Variants in UGT1A8 observed in about 807,000 individuals in gnomAD.
UGT1A8 encodes UDP glucuronosyltransferase family 1 member A8.
UGT1A8 carries 39 observed loss-of-function variants against 45.3 expected under a neutral mutation model. That is an observed-to-expected ratio of 0.86 (90% CI 0.67 to 1.12). The LOEUF (loss-of-function observed/expected upper bound fraction) is 1.12. Ranked by LOEUF, UGT1A8 falls within the 50% of genes most tolerant of loss-of-function variation. The pLI is 0.00. For synonymous variants in UGT1A8, 275 were observed against 249.2 expected, an observed-to-expected ratio of 1.10 and a Z score of -0.97; for missense variants, 719 against 664.9, an observed-to-expected ratio of 1.08 and a Z score of -0.90.
intron 1 of UGT1A8, among the ~76,000 whole-genome samples, chr2:233,643,503 G>A (rs2073515043): frequency 6.6e-6 from 1 of 152,076 alleles, no homozygotes; most frequent in South Asian, 2.1e-4. Context: ...GTCAAGTCCT[G>A]GAATCAGGGA....
intron 1 of UGT1A8, chr2:233,719,082 G>C: frequency 6.2e-7 from 1 of 1,614,280 alleles, no homozygotes; most frequent in Non-Finnish European, 8.5e-7. Flanking sequence ...GACCCAGAAG[G>C]AATTTGATCG....
At chr2:233,754,930 G>C (rs1387383656) in intron 1 of UGT1A8, 3 of 1,344,668 alleles carry the variant, frequency 2.2e-6, no homozygotes, top group Non-Finnish European at 2.0e-6. Context: ...TTTCCCAAGA[G>C]GTCAAAGGAG....
chr2:233,708,372 C>T (rs959388871), intron 1 of UGT1A8: 5 of 152,104 alleles, frequency 3.3e-5, no homozygotes, highest in African/African-American at 9.7e-5. Context: ...TTCATTTAAA[C>T]GTCTTTTGTG....
chr2:233,625,773 A>G (rs915618322), intron 1 of UGT1A8, among the ~76,000 whole-genome samples: 4 of 151,790 alleles, frequency 2.6e-5, no homozygotes, highest in African/African-American at 7.3e-5. Flanking sequence ...GCAACAATAG[A>G]CACTATGGAC....
At chr2:233,681,908 C>G in intron 1 of UGT1A8, 1 of 1,598,330 alleles carries the variant, frequency 6.3e-7, no homozygotes, top group Middle Eastern at 1.7e-4. Flanking sequence ...CTTAGAATCC[C>G]AGCTGCTGGC....
rs190570057 is a variant in UGT1A8, at chr2:233,713,150, G to A, written c.856-53884G>A. On this transcript the variant is annotated intron_variant, in intron 1 of 4. Coordinates refer to ENST00000373450, the MANE Select transcript of UGT1A8 (RefSeq NM_019076.5). Reference sequence around the variant, plus strand: ...GGGAGGCCTTGCGGGACCTCCATGCGAGAGGCCACCAGGTGGTGGTCCTCA... The same window carrying A: ...GGGAGGCCTTGCGGGACCTCCATGCAAGAGGCCACCAGGTGGTGGTCCTCA... The A allele has an allele frequency of 5.6e-6, 9 of 1,614,242 alleles. No individual in the cohort carries two copies. In the East Asian group the frequency reaches 8.9e-5, roughly 16 times the overall value.
chr2:233,733,827 G>A (rs1305233298), intron 1 of UGT1A8, among the ~76,000 whole-genome samples: 1 of 152,118 alleles, frequency 6.6e-6, no homozygotes, highest in African/African-American at 2.4e-5. Flanking sequence ...CATAAAATGA[G>A]TTAGGGAGGA....
chr2:233,716,843 C>A (rs1303779141), intron 1 of UGT1A8, among the ~76,000 whole-genome samples: 1 of 152,176 alleles, frequency 6.6e-6, no homozygotes, highest in African/African-American at 2.4e-5. Flanking sequence ...ATGGCTTCAG[C>A]TACCACATAT....
chr2:233,727,367 AG>A (rs1325581943), intron 1 of UGT1A8, among the ~76,000 whole-genome samples: 7 of 152,052 alleles, frequency 4.6e-5, no homozygotes, highest in Non-Finnish European at 1.0e-4. Flanking sequence ...TAGGGCCCCT[AG>A]GTCTCTGGAG....
chr2:233,620,070 A>T (rs535835122), intron 1 of UGT1A8, among the ~76,000 whole-genome samples: 1 of 152,216 alleles, frequency 6.6e-6, no homozygotes, highest in East Asian at 1.9e-4. Flanking sequence ...ATTTTTGTCT[A>T]TTGTTCTGGC....
At chr2:233,699,264 G>A (rs559256559) in intron 1 of UGT1A8, among the ~76,000 whole-genome samples, 7 of 152,114 alleles carry the variant, frequency 4.6e-5, no homozygotes, top group Non-Finnish European at 7.4e-5. Flanking sequence ...CTTCCTATAG[G>A]GGCTTGAATC....
At chr2:233,733,439 G>A (rs1332999216) in intron 1 of UGT1A8, among the ~76,000 whole-genome samples, 1 of 152,168 alleles carries the variant, frequency 6.6e-6, no homozygotes, top group East Asian at 1.9e-4. Context: ...GATATTGGCT[G>A]CGGGTTTGTC....
chr2:233,699,011 G>A (rs924046533), intron 1 of UGT1A8, among the ~76,000 whole-genome samples: 2 of 152,200 alleles, frequency 1.3e-5, no homozygotes, highest in Admixed American at 6.5e-5. Context: ...AAGAACATGA[G>A]AGGCTGAGCC....
intron 1 of UGT1A8, among the ~76,000 whole-genome samples, chr2:233,666,051 A>G (rs2074070055): frequency 6.6e-6 from 1 of 152,230 alleles, no homozygotes; most frequent in Non-Finnish European, 1.5e-5. Context: ...TACAAGAAGC[A>G]TGGCACCAGC....
At chr2:233,659,411 T>TA (rs2073922311) in intron 1 of UGT1A8, among the ~76,000 whole-genome samples, 1 of 152,310 alleles carries the variant, frequency 6.6e-6, no homozygotes, top group South Asian at 2.1e-4. Context: ...ATTATTGTAA[T>TA]AAAGTCAGCT....
chr2:233,760,562 T>C (rs1218423176), intron 1 of UGT1A8: 6 of 1,614,228 alleles, frequency 3.7e-6, no homozygotes, highest in East Asian at 2.2e-5. Flanking sequence ...AAAGAGTCTT[T>C]TGTTAGTCTC....
chr2:233,631,694 T>C (rs534649804), intron 1 of UGT1A8, among the ~76,000 whole-genome samples: 1 of 152,314 alleles, frequency 6.6e-6, no homozygotes, highest in African/African-American at 2.4e-5. Context: ...TTTTTTTTCT[T>C]GTAAATTGGT....
chr2:233,642,228 T>C (rs2073471734), intron 1 of UGT1A8, among the ~76,000 whole-genome samples: 1 of 152,210 alleles, frequency 6.6e-6, no homozygotes, highest in Non-Finnish European at 1.5e-5. Context: ...CCTCTGACCA[T>C]GTATTTTCAA....
intron 4 of UGT1A8, among the ~76,000 whole-genome samples, chr2:233,771,927 C>A (rs1388593829): frequency 6.6e-6 from 1 of 152,006 alleles, no homozygotes; most frequent in African/African-American, 2.4e-5. Context: ...ACAGCCTGGG[C>A]AACACAATAA....
Sources: allele counts gnomAD v4.1 joint callset (sites outside exome capture counted in the v4.1 genomes callset), GRCh38; gene constraint gnomAD v4.1.1; transcripts MANE v1.5; gene names NCBI Gene and HGNC (gene_info 2026-07-23, HGNC 2026-07-21).